Variants in EPHB4 observed in about 807,000 individuals in gnomAD.
EPHB4 encodes the protein ephrin type-B receptor 4.
A neutral mutation model predicts 110.6 loss-of-function variants in EPHB4; 50 were observed. The ratio of observed to expected loss-of-function variants is 0.45; its 90% CI spans 0.36 to 0.57. The LOEUF (loss-of-function observed/expected upper bound fraction) is 0.57, where lower values mean the gene tolerates loss of function less well. EPHB4 is among the 20% of genes least tolerant of loss of function. EPHB4 has a pLI of 0.00. For synonymous variants in EPHB4, 592 were observed against 578.4 expected (o/e 1.02, Z -0.34); for missense variants, 1,128 against 1,382.1 (o/e 0.82, Z 2.91).
In EPHB4 at chr7:100,807,511, A is replaced by G. The variant is rs878897815; in HGVS notation, c.2188T>C (p.Tyr730His). The change falls in exon 13 of 17, where the codon TAC (tyrosine) becomes CAC (histidine). Residue 730 changes from tyrosine to histidine, a missense_variant. Coordinates refer to ENST00000358173, the MANE Select transcript of EPHB4 (RefSeq NM_004444.5). ...TGGACGTAGCTCATCTCGGCAAGGT[A>G]CCGCATGCCCGAGGCGATGCCCCGC... ...MLRGIASGMR[Y>H]LAEMSYVHRD... 6.2e-7 allele frequency: 1 copy of G among 1,613,998 alleles called. No individual in the cohort carries two copies. Among genetic ancestry groups the G allele is most frequent in the Non-Finnish European group, 8.5e-7 (1 of 1,179,992 alleles).
chr7:100,820,465 CA>C (rs11447690), intron 4 of EPHB4, 169 bp from the exon 5 acceptor site: 28,336 of 326,612 alleles, frequency 0.087, 7 homozygotes, highest in Non-Finnish European at 0.098. Flanking sequence ...ATCCCATCTC[CA>C]AAAAAAAAAA....
In EPHB4 at chr7:100,819,700, TC is replaced by T. The variant is rs761905713; in HGVS notation, c.1153del (p.Asp385ThrfsTer25). The T allele has an allele frequency of 6.2e-7, 1 of 1,613,572 alleles. No homozygotes were observed. The highest frequency in any genetic ancestry group is 8.5e-7 in the Non-Finnish European group (1 of 1,179,932). ...AACCACCACCCAGGGCTCCACCAGG[TC>T]CCGGGGGCCGGGGTCAAAAGTCAGG... The part of the protein sequence containing the change: ...GDLTFDPGPR[D>X]LVEPWVVVRG... On this transcript the variant is annotated frameshift_variant, in exon 6 of 17. Transcript: ENST00000358173. LOFTEE classifies it high-confidence loss of function.
rs1369688075 is a variant in EPHB4, at chr7:100,822,442, G to C, written c.637C>G (p.Arg213Gly). ...NLTRFPETVP[R>G]ELVVPVAGSC... ...CCGGCCACGGGCACAACCAGCTCCCGAGGCACAGTCTCCGGGAATCGAGTC... is the reference window on the plus strand; with the variant it reads ...CCGGCCACGGGCACAACCAGCTCCCCAGGCACAGTCTCCGGGAATCGAGTC... The change falls in exon 4 of 17, where the codon CGG (arginine) becomes GGG (glycine). Residue 213 changes from arginine to glycine, a missense_variant. Around this residue, in one of 3 missense-constraint regions of EPHB4, gnomAD observed 728 missense variants for 828.6 expected, o/e 0.88. Coordinates refer to ENST00000358173, the MANE Select transcript of EPHB4 (RefSeq NM_004444.5). This position sits in a 1 kb window ranked among gnomAD's most constrained non-coding sequence, Gnocchi z 4.7. 2 of 1,604,298 alleles carry C rather than the reference G, an allele frequency of 1.2e-6. No individual in the cohort carries two copies. The highest frequency in any genetic ancestry group is 1.7e-6 in the Non-Finnish European group (2 of 1,173,542).
chr7:100,827,106 C>G lies in EPHB4; in HGVS notation c.-76G>C. The G allele has an allele frequency of 6.8e-7, 1 of 1,478,286 alleles. No individual in the cohort carries two copies. 91.6% of individuals were successfully genotyped at this position (1,478,286 alleles called of 1,614,324 possible). ...CCCCCCAGGTCTGACTCTCCCTGGG[C>G]GGGTGGACGCCGATACTCCGCGCGG... On this transcript the variant is annotated 5_prime_UTR_variant, in exon 1 of 17. Transcript: ENST00000358173.
chr7:100,817,426 T>C (rs2116444445), intron 7 of EPHB4, 69 bp from the exon 8 acceptor site: 2 of 1,469,962 alleles, frequency 1.4e-6, no homozygotes, highest in South Asian at 1.3e-5. Context: ...TCCTGCCTCC[T>C]TCCCTCGCCC....
chr7:100,822,226 C>CT lies in EPHB4; in HGVS notation c.808+44dup. ...TGGGTCCTGAGTGGAGTTCAGGACT[C>CT]TCCCCCGGATGAGCAGCAGTCGCAG... On this transcript the variant is annotated intron_variant, in intron 4 of 16. Transcript: ENST00000358173. This position sits in a 1 kb window ranked among gnomAD's most constrained non-coding sequence, Gnocchi z 4.7. 1 of 1,530,972 alleles carries CT rather than the reference C, an allele frequency of 6.5e-7. No homozygotes were observed. 94.8% of individuals were successfully genotyped at this position (1,530,972 alleles called of 1,614,324 possible).
intron 4 of EPHB4, chr7:100,820,915 T>G (rs989966514): frequency 6.6e-6 from 1 of 151,372 alleles, no homozygotes; most frequent in Non-Finnish European, 1.5e-5. Context: ...GGCAGATCAC[T>G]TGAGTTCAAG....
intron 10 of EPHB4, 120 bp from the exon 11 acceptor site, chr7:100,813,328 T>C: frequency 2.5e-6 from 2 of 806,102 alleles, no homozygotes; most frequent in Non-Finnish European, 3.7e-6. Context: ...TTTTTTTTTT[T>C]TCCTGAGATG....
chr7:100,807,383 G>A lies in EPHB4; in HGVS notation c.2316C>T (p.Pro772=). The A allele has an allele frequency of 2.5e-6, 4 of 1,613,708 alleles. No individual in the cohort carries two copies. Among genetic ancestry groups the A allele is most frequent in the Non-Finnish European group, 3.4e-6 (4 of 1,179,936 alleles). ...GCATTACCAGGGAGCTCGTGTAGGT[G>A]GGATCGGAAGAGTTCTCCTCCAGGA... ...SRFLEENSSD[P]TYTSSLGGKI... is the part of the protein sequence containing the mutation. The change falls in exon 13 of 17, where the codon CCC becomes CCT. Residue 772 remains proline, a synonymous_variant. Transcript: ENST00000358173.
In EPHB4 at chr7:100,824,284, CAG is replaced by C. The variant is rs745315434; in HGVS notation, c.53-13_53-12del. On this transcript the variant is annotated splice_polypyrimidine_tract_variant and intron_variant, in intron 1 of 16. Transcript: ENST00000358173. ...TGTTCAGCAGGGTCTCTGAGACAGA[CAG>C]AGAGACAGAGTCAGTGCCTGGGGTG... is the stretch of plus-strand genomic sequence containing the variant. 4.3e-6 allele frequency: 7 copies of C among 1,613,092 alleles called. No individual in the cohort carries two copies. Among genetic ancestry groups the C allele is most frequent in the East Asian group, 4.5e-5 (2 of 44,830 alleles).
intron 9 of EPHB4, 100 bp from the exon 10 acceptor site, chr7:100,813,816 T>G (rs1358329456): frequency 1.2e-6 from 2 of 1,604,578 alleles, no homozygotes; most frequent in Non-Finnish European, 1.7e-6. Context: ...AGATTTCAAG[T>G]AAAAAGAGGC....
Position 100,813,646 on chromosome 7 carries a change from A to G in EPHB4, c.1756+6T>C. On this transcript the variant is annotated splice_donor_region_variant and intron_variant, in intron 10 of 16. Coordinates refer to ENST00000358173, the MANE Select transcript of EPHB4 (RefSeq NM_004444.5). ...CCCCTATTCCCATCAAATTAGGGCA[A>G]CCCACCATGTCCGATGAGATACTGT... 6.2e-7 allele frequency: 1 copy of G among 1,613,896 alleles called. No individual in the cohort carries two copies. Among genetic ancestry groups the G allele is most frequent in the Non-Finnish European group, 8.5e-7 (1 of 1,179,956 alleles).
In EPHB4 at chr7:100,813,935, C is replaced by T. The variant is rs778608954; in HGVS notation, c.1675G>A (p.Ala559Thr). The stretch of plus-strand genomic sequence containing the variant: ...AGCCCTTACCTGAGGCAGAGAACTG[C>T]GACCACAATGACCACCAGGACCAGG... ...VVLVLVVIVVAVLCLRKQSNG... is the reference protein window; with the variant it reads ...VVLVLVVIVVTVLCLRKQSNG... Residue 559 changes from alanine to threonine, a missense_variant, in exon 9 of 17, where the codon GCA becomes ACA. Ala to Thr is a moderately conservative substitution (Grantham distance 58). This residue lies in a region of EPHB4 where 728 missense variants were observed against 828.6 expected (regional missense o/e 0.88). Transcript: ENST00000358173. 1.9e-5 allele frequency: 31 copies of T among 1,614,120 alleles called. No homozygotes were observed. The highest frequency in any genetic ancestry group is 4.4e-5 in the South Asian group (4 of 91,078).
chr7:100,824,175 A>G (rs1047784221), intron 2 of EPHB4, 28 bp downstream of exon 2: 19 of 1,613,868 alleles, frequency 1.2e-5, no homozygotes, highest in Non-Finnish European at 1.6e-5. Context: ...TTCCCTCCAG[A>G]GCTCCAGCTC....
chr7:100,810,319 C>G (rs1305434199), intron 12 of EPHB4, among the ~76,000 whole-genome samples: 1 of 152,104 alleles, frequency 6.6e-6, no homozygotes, highest in Non-Finnish European at 1.5e-5. Flanking sequence ...TACAGAGAGA[C>G]AAGCTAAATG....
rs1813262655 is a variant in EPHB4 at position 100,822,562 on chromosome 7, C to CAGCCTT, written c.511_516dup (p.Lys171_Ala172dup). On this transcript the variant is annotated inframe_insertion, in exon 4 of 17. Transcript: ENST00000358173. The surrounding 1 kb of genome is among the most constrained non-coding windows in gnomAD (Gnocchi z 4.7). ...TGGTCCTGGAAGGCCAGGTAGAAGCCAGCCTTGCTGAGCGGTCCCAGACGC... is the reference window on the plus strand; with the variant it reads ...TGGTCCTGGAAGGCCAGGTAGAAGCCAGCCTTAGCCTTGCTGAGCGGTCCCAGACGC... 12 of 1,613,110 alleles carry CAGCCTT rather than the reference C, an allele frequency of 7.4e-6. No homozygotes were observed. The highest frequency in any genetic ancestry group is 9.3e-6 in the Non-Finnish European group (11 of 1,179,924).
At chr7:100,813,369 G>A (rs1373060820) in intron 10 of EPHB4, 161 bp from the exon 11 acceptor site, 5 of 631,986 alleles carry the variant, frequency 7.9e-6, no homozygotes, top group African/African-American at 1.9e-5. Context: ...GGCCTGGAGC[G>A]CAGTGGCGCG....
chr7:100,823,033 C>T (rs1039001202), intron 3 of EPHB4, among the ~76,000 whole-genome samples: 2 of 152,190 alleles, frequency 1.3e-5, no homozygotes, highest in African/African-American at 4.8e-5. Flanking sequence ...TGCCTATAAT[C>T]CCAGCACTTT....
chr7:100,820,043 A>T, intron 5 of EPHB4, 98 bp downstream of exon 5: 1 of 1,533,206 alleles, frequency 6.5e-7, no homozygotes, highest in Admixed American at 2.0e-5. Flanking sequence ...CCAGGGACAA[A>T]GGGAAGAAGC....
Sources: allele counts gnomAD v4.1 joint callset (sites outside exome capture counted in the v4.1 genomes callset), GRCh38; gene constraint gnomAD v4.1.1; regional missense constraint gnomAD v4.1.1; non-coding constraint Gnocchi (gnomAD v3.1); transcripts MANE v1.5; gene names NCBI Gene and HGNC (gene_info 2026-07-23, HGNC 2026-07-21).